The following SCG3 variants were observed in gnomAD, a reference collection of about 807,000 sequenced individuals.
SCG3 encodes the protein secretogranin-3.
In SCG3, 38 loss-of-function variants were observed where a neutral mutation model predicts 56.2. The observed-to-expected ratio is 0.68, with a 90% CI of 0.52 to 0.89. The LOEUF (loss-of-function observed/expected upper bound fraction) is 0.89, where lower values mean the gene tolerates loss of function less well. Among genes scored for constraint, SCG3 ranks in the 40% least tolerant of loss-of-function variants. The pLI, the probability that SCG3 is intolerant of heterozygous loss-of-function variation, is 0.00. For synonymous variants in SCG3, 176 were observed against 184.2 expected, an observed-to-expected ratio of 0.96 and a Z score of 0.36; for missense variants, 524 against 540.7, an observed-to-expected ratio of 0.97 and a Z score of 0.31.
chr15:51,713,611 G>A (rs2055435016), intron 11 of SCG3, among the ~76,000 whole-genome samples, 198 bp downstream of exon 11: 1 of 152,158 alleles, frequency 6.6e-6, no homozygotes, highest in Non-Finnish European at 1.5e-5. Flanking sequence ...TCAAGCAAAG[G>A]CGTTTTCTTT....
In SCG3 at chr15:51,696,135, A is replaced by G. The variant is rs75742810; in HGVS notation, c.985+144A>G. 3,560 of 657,152 alleles carry G rather than the reference A, an allele frequency of 5.4e-3. 98 individuals are homozygous for G. The East Asian group carries it at 0.062, about 11-fold the overall frequency. The allele number at this position is 657,152 out of a possible 1,614,324, so 40.7% of individuals were successfully genotyped here. A position where few individuals can be genotyped will look rare whatever the true frequency, so the allele number is the denominator to read the frequency against. ...CAAGAATCGACCAGTTTGATAATAT[A>G]TACAAATAAAATTAACTTTTTCAAC... On this transcript the variant is annotated intron_variant, in intron 8 of 11. Coordinates refer to ENST00000220478, the MANE Select transcript of SCG3 (RefSeq NM_013243.4).
At chr15:51,709,173 AAGG>A (rs2055395564) in intron 10 of SCG3, among the ~76,000 whole-genome samples, 1 of 152,196 alleles carries the variant, frequency 6.6e-6, no homozygotes, top group Non-Finnish European at 1.5e-5. Flanking sequence ...TGATGGTAGG[AAGG>A]AGAAGTGCTG....
At chr15:51,719,360 T>C (rs1377041873) in intron 11 of SCG3, 48 bp from the exon 12 acceptor site, 7 of 1,298,840 alleles carry the variant, frequency 5.4e-6, no homozygotes, top group Non-Finnish European at 7.8e-6. Flanking sequence ...TGTAATGGGA[T>C]TGGCCTTTCC....
chr15:51,687,191 G>C (rs1478930603), intron 4 of SCG3, among the ~76,000 whole-genome samples: 1 of 152,166 alleles, frequency 6.6e-6, no homozygotes, highest in East Asian at 1.9e-4. Flanking sequence ...TGGTGCAAAA[G>C]TAATCGCGGT....
Position 51,713,394 on chromosome 15 carries a change from C to A in SCG3, c.1269C>A (p.Asp423Glu). ...ATATTGAATGGTTGAAGAAACATGA[C>A]AAAAAGGGAAATAAAGAAGGTAGGA... ...RKNIEWLKKH[D>E]KKGNKEDYDL... The change falls in exon 11 of 12, where the codon GAC becomes GAA. Residue 423 changes from aspartate (D) to glutamate (E), a missense_variant. Physicochemically the swap from Asp to Glu is conservative, Grantham distance 45. Transcript: ENST00000220478. 2 of 1,599,954 alleles carry A rather than the reference C, an allele frequency of 1.3e-6. No individual in the cohort carries two copies. Among genetic ancestry groups the A allele is most frequent in the Admixed American group, 1.8e-5 (1 of 56,654 alleles).
chr15:51,718,647 A>T (rs79412022), intron 11 of SCG3, among the ~76,000 whole-genome samples: 1 of 39,166 alleles, frequency 2.6e-5, no homozygotes, highest in Non-Finnish European at 5.6e-5. Context: ...GGGGGTTTTT[A>T]AAAGGCTTCA....
At chr15:51,684,284 A>G (rs971101833) in intron 4 of SCG3, among the ~76,000 whole-genome samples, 3 of 152,330 alleles carry the variant, frequency 2.0e-5, no homozygotes, top group African/African-American at 7.2e-5. Context: ...AGCAAAATCT[A>G]CAGTTCTCCC....
intron 6 of SCG3, 90 bp downstream of exon 6, chr15:51,689,458 T>A: frequency 7.1e-7 from 1 of 1,413,710 alleles, no homozygotes; most frequent in Non-Finnish European, 9.5e-7. Context: ...ATAATTGCCT[T>A]ACTTGATACC....
intron 8 of SCG3, among the ~76,000 whole-genome samples, chr15:51,697,194 C>T (rs1437980188): frequency 7.1e-6 from 1 of 140,438 alleles, no homozygotes; most frequent in African/African-American, 3.0e-5. Context: ...TCTTATATAA[C>T]AAAAAATAAG....
At chr15:51,715,958 C>T (rs572591976) in intron 11 of SCG3, among the ~76,000 whole-genome samples, 13 of 152,138 alleles carry the variant, frequency 8.5e-5, no homozygotes, top group African/African-American at 3.1e-4. Context: ...CCAGGGTTCA[C>T]GCCATTCTCC....
At chr15:51,718,491 A>G (rs2055473863) in intron 11 of SCG3, among the ~76,000 whole-genome samples, 1 of 152,170 alleles carries the variant, frequency 6.6e-6, no homozygotes, top group Admixed American at 6.5e-5. Context: ...CTCAGATTAC[A>G]TTCAGGCTCG....
chr15:51,713,938 T>C (rs1034177321), intron 11 of SCG3, among the ~76,000 whole-genome samples: 1 of 152,106 alleles, frequency 6.6e-6, no homozygotes, highest in Admixed American at 6.6e-5. Flanking sequence ...AGTGATGTCA[T>C]GGATAGGTGT....
intron 10 of SCG3, among the ~76,000 whole-genome samples, chr15:51,712,558 T>G (rs763574916): frequency 2.0e-5 from 3 of 152,172 alleles, no homozygotes; most frequent in African/African-American, 4.8e-5. Flanking sequence ...CAGCTGTTAT[T>G]TCCTGTGTAG....
chr15:51,695,659 C>A, intron 7 of SCG3: 1 of 406,858 alleles, frequency 2.5e-6, no homozygotes, highest in Non-Finnish European at 4.3e-6. Flanking sequence ...ATGGAAGGAT[C>A]TCTTGAGTGC....
In SCG3 at chr15:51,719,576, T is replaced by C. The variant is rs377725189; in HGVS notation, c.*50T>C. The C allele has an allele frequency of 7.3e-5, 96 of 1,306,792 alleles. No homozygotes were observed. Among genetic ancestry groups the C allele is most frequent in the African/African-American group, 1.5e-4 (10 of 67,850 alleles). 80.9% of individuals were successfully genotyped at this position (1,306,792 alleles called of 1,614,324 possible). A position where few individuals can be genotyped will look rare whatever the true frequency, so the allele number is the denominator to read the frequency against. The stretch of plus-strand genomic sequence containing the variant: ...TTCAACTGTTTCAGAAAACATAATA[T>C]AGCTTAAAACACTTCTAATTCTGTG... On this transcript the variant is annotated 3_prime_UTR_variant, in exon 12 of 12. Coordinates refer to ENST00000220478, the MANE Select transcript of SCG3 (RefSeq NM_013243.4).
chr15:51,715,274 C>G (rs1264959597), intron 11 of SCG3: 5 of 152,078 alleles, frequency 3.3e-5, no homozygotes, highest in Non-Finnish European at 7.3e-5. Context: ...TGCAGTATGC[C>G]CTCTTGAAGA....
intron 11 of SCG3, among the ~76,000 whole-genome samples, chr15:51,718,730 TTTTGTTTG>T (rs200317952): frequency 6.6e-6 from 1 of 152,146 alleles, no homozygotes; most frequent in African/African-American, 2.4e-5. Context: ...TGTATATAGA[TTTTGTTTG>T]TTTGTTTGTT....
chr15:51,686,705 ATGTT>A (rs1184762798), intron 4 of SCG3, among the ~76,000 whole-genome samples: 8 of 33,876 alleles, frequency 2.4e-4, no homozygotes, highest in Admixed American at 3.4e-4. Context: ...GTTTGTTTGT[ATGTT>A]TGTTTGTTTG....
intron 11 of SCG3, among the ~76,000 whole-genome samples, chr15:51,716,859 C>T (rs1315901442): frequency 3.9e-5 from 6 of 152,252 alleles, no homozygotes; most frequent in Non-Finnish European, 8.8e-5. Context: ...AGTTGCATGT[C>T]CAGGCCTCTG....
Sources: allele counts gnomAD v4.1 joint callset (sites outside exome capture counted in the v4.1 genomes callset), GRCh38; gene constraint gnomAD v4.1.1; transcripts MANE v1.5; gene names NCBI Gene and HGNC (gene_info 2026-07-23, HGNC 2026-07-21).